The following ARHGAP32 variants were observed in gnomAD, a reference collection of about 807,000 sequenced individuals.
ARHGAP32 encodes rho GTPase-activating protein 32.
In ARHGAP32, 51 loss-of-function variants were observed where a neutral mutation model predicts 186.5. That is an observed-to-expected ratio of 0.27 (90% CI 0.22 to 0.35). ARHGAP32 has a LOEUF of 0.35. ARHGAP32 is among the 10% of genes least tolerant of loss of function. ARHGAP32 has a pLI of 1.00. For synonymous variants in ARHGAP32, 950 were observed against 964.3 expected, an observed-to-expected ratio of 0.99 and a Z score of 0.27; for missense variants, 2,186 against 2,623.5, an observed-to-expected ratio of 0.83 and a Z score of 3.64.
At chr11:129,234,139 T>C (rs1384953827) in intron 1 of ARHGAP32, among the ~76,000 whole-genome samples, 2 of 152,092 alleles carry the variant, frequency 1.3e-5, no homozygotes, top group Non-Finnish European at 2.9e-5. Flanking sequence ...CAAAGGCTAT[T>C]GCAATAATTC....
intron 10 of ARHGAP32, among the ~76,000 whole-genome samples, chr11:129,056,737 A>G (rs2135110096): frequency 6.6e-6 from 1 of 152,262 alleles, no homozygotes; most frequent in East Asian, 1.9e-4. Flanking sequence ...CCATGAACAC[A>G]TCGAGCTGAG....
chr11:129,185,966 T>C (rs1944152248), intron 1 of ARHGAP32, among the ~76,000 whole-genome samples: 1 of 152,092 alleles, frequency 6.6e-6, no homozygotes. Flanking sequence ...ATTAAGTATC[T>C]GGGAAGGTTT....
At chr11:129,079,246 T>C (rs1189444563) in intron 6 of ARHGAP32, among the ~76,000 whole-genome samples, 1 of 152,144 alleles carries the variant, frequency 6.6e-6, no homozygotes, top group Non-Finnish European at 1.5e-5. Context: ...CATCCAAACA[T>C]AAGCTCAAAG....
At position 129,247,701 on chromosome 11, in the gene ARHGAP32, G is replaced by A. The variant is rs145106321; in HGVS notation, c.-5+31445C>T. 2.9e-3 allele frequency among the ~76,000 whole-genome samples: 437 copies of A among 152,142 alleles called. 2 individuals carry two copies. The highest frequency in any genetic ancestry group is 5.2e-3 in the South Asian group (25 of 4,812). On this transcript the variant is annotated intron_variant, in intron 1 of 6. Transcript: ENST00000525234. ...TGCAGAATTTATAAGCACAACCTTTGCATTCTAGTAGAAATGTTTTCAGGA... is the reference window on the plus strand; with the variant it reads ...TGCAGAATTTATAAGCACAACCTTTACATTCTAGTAGAAATGTTTTCAGGA...
chr11:129,029,663 C>T (rs375786878), intron 11 of ARHGAP32, among the ~76,000 whole-genome samples: 16 of 151,848 alleles, frequency 1.1e-4, no homozygotes, highest in African/African-American at 3.4e-4. Context: ...ATTAGCCGGG[C>T]GTGGTGCAGG....
chr11:129,037,359 T>A (rs368967367), intron 11 of ARHGAP32, among the ~76,000 whole-genome samples: 2 of 150,576 alleles, frequency 1.3e-5, no homozygotes, highest in Non-Finnish European at 2.9e-5. Flanking sequence ...CCTGGCACAG[T>A]GGCACATGCC....
At chr11:129,055,939 T>C (rs904922410) in intron 10 of ARHGAP32, among the ~76,000 whole-genome samples, 3 of 152,206 alleles carry the variant, frequency 2.0e-5, no homozygotes, top group Non-Finnish European at 4.4e-5. Flanking sequence ...AGTATATCAA[T>C]ATTGATTCAT....
At chr11:129,258,434 G>T (rs902640398) in intron 1 of ARHGAP32, among the ~76,000 whole-genome samples, 10 of 152,202 alleles carry the variant, frequency 6.6e-5, no homozygotes, top group Non-Finnish European at 1.2e-4. Context: ...AAGGCAGCCT[G>T]CTATCTGCAG....
intron 2 of ARHGAP32, among the ~76,000 whole-genome samples, chr11:129,127,418 T>C (rs963221606): frequency 6.6e-6 from 1 of 152,180 alleles, no homozygotes; most frequent in African/African-American, 2.4e-5. Context: ...TCTGTGCCCA[T>C]GTATGTTCTG....
intron 21 of ARHGAP32, chr11:128,973,635 A>G: frequency 1.7e-6 from 1 of 603,176 alleles, no homozygotes; most frequent in East Asian, 2.8e-5. Flanking sequence ...AACAGTGTAT[A>G]AAGACTGCAA....
At chr11:129,040,636 T>C (rs894592163) in intron 11 of ARHGAP32, among the ~76,000 whole-genome samples, 1 of 152,224 alleles carries the variant, frequency 6.6e-6, no homozygotes. Context: ...ACCTATTTTT[T>C]AAATCATTTT....
At chr11:129,091,081 TG>T (rs1377462578) in intron 6 of ARHGAP32, among the ~76,000 whole-genome samples, 3 of 152,114 alleles carry the variant, frequency 2.0e-5, no homozygotes, top group Non-Finnish European at 4.4e-5. Context: ...TTAATTACTA[TG>T]AAAGGGAGGG....
intron 10 of ARHGAP32, among the ~76,000 whole-genome samples, chr11:129,058,504 G>C (rs1281365767): frequency 6.6e-6 from 1 of 152,052 alleles, no homozygotes; most frequent in East Asian, 1.9e-4. Flanking sequence ...TTTTAAAATA[G>C]CTTTTGATGT....
chr11:129,274,035 CTG>C (rs1945503298), intron 1 of ARHGAP32, among the ~76,000 whole-genome samples: 1 of 149,234 alleles, frequency 6.7e-6, no homozygotes, highest in Non-Finnish European at 1.5e-5. Flanking sequence ...AAAAAAACAA[CTG>C]TGTTTTGAAA....
In ARHGAP32 at chr11:129,069,019, AAGG is replaced by A. The variant is rs546674083; in HGVS notation, c.532-2154_532-2152del. Among the ~76,000 whole-genome samples, 27 of 152,250 alleles carry A rather than the reference AAGG, an allele frequency of 1.8e-4. 1 individual carries two copies. The South Asian group carries it at 5.6e-3, about 32-fold the overall frequency. ...TAATTTAAATTTTCATCTGAAAGAG[AAGG>A]CCTTACAGCCATCACCCATAGTATT... On this transcript the variant is annotated intron_variant, in intron 6 of 22. Transcript: ENST00000682385.
At chr11:129,264,179 G>T (rs555105847) in intron 1 of ARHGAP32, among the ~76,000 whole-genome samples, 1 of 152,286 alleles carries the variant, frequency 6.6e-6, no homozygotes, top group African/African-American at 2.4e-5. Flanking sequence ...TGTATATGGG[G>T]TATCTAAAGT....
At chr11:129,146,355 T>C (rs1943166491) in intron 2 of ARHGAP32, among the ~76,000 whole-genome samples, 1 of 152,120 alleles carries the variant, frequency 6.6e-6, no homozygotes, top group Admixed American at 6.5e-5. Flanking sequence ...CCATTTCGAA[T>C]AGTGCAATGA....
chr11:129,066,663 T>A, intron 7 of ARHGAP32, 68 bp downstream of exon 7: 1 of 1,486,888 alleles, frequency 6.7e-7, no homozygotes, highest in African/African-American at 1.4e-5. Flanking sequence ...TTGTTTAGTA[T>A]ACAGACAAAA....
chr11:128,984,862 A>G (rs768282135), intron 15 of ARHGAP32, among the ~76,000 whole-genome samples: 5 of 145,780 alleles, frequency 3.4e-5, no homozygotes, highest in Non-Finnish European at 6.2e-5. Context: ...GCAAGACTCT[A>G]TTCTGGAAAT....
Sources: allele counts gnomAD v4.1 joint callset (sites outside exome capture counted in the v4.1 genomes callset), GRCh38; gene constraint gnomAD v4.1.1; transcripts MANE v1.5; gene names NCBI Gene and HGNC (gene_info 2026-07-23, HGNC 2026-07-21).